Variants in GFM1 observed in about 807,000 individuals in gnomAD.
The protein encoded by GFM1 is G elongation factor mitochondrial 1.
A neutral mutation model predicts 96.2 loss-of-function variants in GFM1; 62 were observed. The observed-to-expected ratio is 0.64, with a 90% CI of 0.53 to 0.80. GFM1 has a LOEUF of 0.80. GFM1 is among the 30% of genes least tolerant of loss of function. GFM1 has a pLI of 0.00. For synonymous variants in GFM1, 282 were observed against 312.9 expected, an observed-to-expected ratio of 0.90 and a Z score of 1.04; for missense variants, 852 against 916.6, an observed-to-expected ratio of 0.93 and a Z score of 0.91.
At chr3:158,662,386 ATTAAT>A (rs2108043659) in intron 10 of GFM1, among the ~76,000 whole-genome samples, 1 of 152,364 alleles carries the variant, frequency 6.6e-6, no homozygotes, top group South Asian at 2.1e-4. Context: ...AAATACATTC[ATTAAT>A]TTTATTTTGG....
chr3:158,665,072 A>G (rs1247638536), intron 11 of GFM1, among the ~76,000 whole-genome samples: 2 of 152,222 alleles, frequency 1.3e-5, no homozygotes, highest in Non-Finnish European at 2.9e-5. Context: ...GTAAGAGGAC[A>G]GGGCATAGAG....
At chr3:158,647,264 C>T (rs1721895913) in intron 4 of GFM1, among the ~76,000 whole-genome samples, 1 of 152,052 alleles carries the variant, frequency 6.6e-6, no homozygotes, top group Non-Finnish European at 1.5e-5. Flanking sequence ...CTAAAAATAC[C>T]TTGTGTTTTA....
rs545692256 is a variant in GFM1 at position 158,658,866 on chromosome 3, TTTGA to T, written c.1084-53_1084-50del. On this transcript the variant is annotated intron_variant, in intron 8 of 17. Coordinates refer to ENST00000486715, the MANE Select transcript of GFM1 (RefSeq NM_024996.7). ...GGAGTTATGAAGCTTTCCTCAATAC[TTTGA>T]TTATTATGTTTCTTTTTATTCTTCC... 24 of 1,594,054 alleles carry T rather than the reference TTTGA, an allele frequency of 1.5e-5. No homozygotes were observed. In the South Asian group the frequency reaches 2.3e-4, roughly 15 times the overall value.
At chr3:158,683,036 GAAA>G (rs1394390389) in intron 14 of GFM1, among the ~76,000 whole-genome samples, 1 of 95,992 alleles carries the variant, frequency 1.0e-5, no homozygotes, top group Non-Finnish European at 2.2e-5. Flanking sequence ...CTCCAAAATG[GAAA>G]AAAAAAAAAA....
rs1327511993 is a variant in GFM1, at chr3:158,661,109, G to C, written c.1323+134G>C. On this transcript the variant is annotated intron_variant, in intron 10 of 17. Coordinates refer to ENST00000486715, the MANE Select transcript of GFM1 (RefSeq NM_024996.7). ...TACCACAGTCATCAAGTTAGTTGTG[G>C]CTCTTTGAATGTTGGTTATAGCTCT... The C allele has an allele frequency of 5.5e-6, 4 of 724,902 alleles. No individual in the cohort carries two copies. In the East Asian group the frequency reaches 1.0e-4, roughly 19 times the overall value. The allele number at this position is 724,902 out of a possible 1,614,324, so 44.9% of individuals were successfully genotyped here.
chr3:158,673,827 G>A (rs981878463), intron 13 of GFM1, among the ~76,000 whole-genome samples: 5 of 151,846 alleles, frequency 3.3e-5, no homozygotes. Flanking sequence ...TGGTAGTAAT[G>A]CACACACCCA....
intron 4 of GFM1, 27 bp from the exon 5 acceptor site, chr3:158,649,014 G>T (rs773648867): frequency 2.0e-6 from 2 of 1,018,132 alleles, no homozygotes; most frequent in African/African-American, 1.6e-5. Context: ...AAGAAAAAAG[G>T]TAAACAAGTG....
chr3:158,644,528 C>T lies in GFM1; in HGVS notation c.-107C>T, dbSNP rs562527408. The T allele has an allele frequency of 3.6e-6, 3 of 840,016 alleles. No homozygotes were observed. The highest frequency in any genetic ancestry group is 3.0e-5 in the South Asian group (2 of 66,630). 52.0% of individuals were successfully genotyped at this position (840,016 alleles called of 1,614,324 possible). A position where few individuals can be genotyped will look rare whatever the true frequency, so the allele number is the denominator to read the frequency against. ...CCTCGCGTCCTTTGCCCCGGAAGTG[C>T]TCTTACAACATTGGCTGCCGGCGTG... On this transcript the variant is annotated 5_prime_UTR_variant, in exon 1 of 18. Coordinates refer to ENST00000486715, the MANE Select transcript of GFM1 (RefSeq NM_024996.7).
chr3:158,658,563 T>C (rs1412049260), intron 8 of GFM1, among the ~76,000 whole-genome samples: 1 of 152,248 alleles, frequency 6.6e-6, no homozygotes, highest in East Asian at 1.9e-4. Context: ...TTTGTTGTTT[T>C]TCCAAGTATA....
At chr3:158,690,878 A>G (rs1342258184) in intron 16 of GFM1, among the ~76,000 whole-genome samples, 1 of 152,214 alleles carries the variant, frequency 6.6e-6, no homozygotes, top group Non-Finnish European at 1.5e-5. Context: ...GGGGATGAGG[A>G]GGGAAGGCTG....
At position 158,645,743 on chromosome 3, in the gene GFM1, G is replaced by A; in HGVS notation, c.196G>A (p.Val66Ile). The A allele has an allele frequency of 6.2e-7, 1 of 1,612,714 alleles. No individual in the cohort carries two copies. Among genetic ancestry groups the A allele is most frequent in the Non-Finnish European group, 8.5e-7 (1 of 1,178,770 alleles). Residue 66 changes from valine to isoleucine, a missense_variant, in exon 2 of 18, where the codon GTC becomes ATC. Coordinates refer to ENST00000486715, the MANE Select transcript of GFM1 (RefSeq NM_024996.7). ...DSGKTTLTER[V>I]LYYTGRIAKM... ...TGGGAAAACTACATTAACAGAACGA[G>A]TCCTTTACTACACTGGCAGAATTGC...
intron 14 of GFM1, 101 bp from the exon 15 acceptor site, chr3:158,684,423 A>G: frequency 8.3e-7 from 1 of 1,204,836 alleles, no homozygotes; most frequent in Non-Finnish European, 1.2e-6. Context: ...TACAGCACAC[A>G]TAAAAACGTA....
At chr3:158,689,694 G>A (rs1726145458) in intron 15 of GFM1, among the ~76,000 whole-genome samples, 1 of 151,002 alleles carries the variant, frequency 6.6e-6, no homozygotes, top group Non-Finnish European at 1.5e-5. Context: ...TTGAACCTGG[G>A]AGACAGAGTT....
At chr3:158,650,064 G>C (rs1722170575) in intron 5 of GFM1, 1 of 1,534,822 alleles carries the variant, frequency 6.5e-7, no homozygotes, top group South Asian at 1.2e-5. Context: ...TCTGGCAGGT[G>C]GGCGAATGGC....
intron 12 of GFM1, 104 bp from the exon 13 acceptor site, chr3:158,666,196 TTATC>T (rs1047303102): frequency 2.6e-6 from 2 of 760,388 alleles, no homozygotes; most frequent in Non-Finnish European, 4.5e-6. Context: ...TAAGATTTGT[TTATC>T]TATTATATTT....
chr3:158,665,890 C>A (rs537479538), intron 12 of GFM1, among the ~76,000 whole-genome samples: 1 of 152,248 alleles, frequency 6.6e-6, no homozygotes, highest in African/African-American at 2.4e-5. Flanking sequence ...GGGCCTATAC[C>A]TTCCCAGGAA....
At chr3:158,688,885 T>C (rs1316721908) in intron 15 of GFM1, among the ~76,000 whole-genome samples, 2 of 152,226 alleles carry the variant, frequency 1.3e-5, no homozygotes, top group Non-Finnish European at 2.9e-5. Flanking sequence ...ACATTCCTGT[T>C]GTCATAATTA....
In GFM1 at chr3:158,658,623, A is replaced by T. The variant is rs115123609; in HGVS notation, c.1084-299A>T. ...TGTATTAAACTTATGAAATGTTAGA[A>T]GGCAAAAGATACTTCCTTATTATGT... is the stretch of plus-strand genomic sequence containing the variant. On this transcript the variant is annotated intron_variant, in intron 8 of 17. Coordinates refer to ENST00000486715, the MANE Select transcript of GFM1 (RefSeq NM_024996.7). 3.9e-3 allele frequency among the ~76,000 whole-genome samples: 599 copies of T among 152,320 alleles called. 6 individuals carry two copies. The highest frequency in any genetic ancestry group is 0.013 in the African/African-American group (561 of 41,566).
At chr3:158,645,967 T>C (rs1721750642) in intron 2 of GFM1, 186 bp downstream of exon 2, 5 of 825,862 alleles carry the variant, frequency 6.1e-6, no homozygotes, top group African/African-American at 1.7e-5. Context: ...TTATTTTTTA[T>C]AGAAGAGGTC....
Sources: gnomAD v4.1 joint callset for allele counts (sites outside exome capture counted in the v4.1 genomes callset) on GRCh38, gnomAD v4.1.1 for gene constraint, MANE v1.5 for transcripts, NCBI Gene and HGNC (gene_info 2026-07-23, HGNC 2026-07-21) for gene names.